GMDS: variants seen among roughly 807,000 people sequenced by gnomAD.
GMDS encodes the protein GDP-mannose 4,6-dehydratase.
A neutral mutation model predicts 49.9 loss-of-function variants in GMDS; 20 were observed. The ratio of observed to expected loss-of-function variants is 0.40; its 90% CI spans 0.28 to 0.58. The LOEUF (loss-of-function observed/expected upper bound fraction) is 0.58. GMDS is among the 20% of genes least tolerant of loss of function. The pLI is 0.42. For missense variants in GMDS, 362 were observed against 481.4 expected, an observed-to-expected ratio of 0.75 and a Z score of 2.32; for synonymous variants, 177 against 178.6, an observed-to-expected ratio of 0.99 and a Z score of 0.07.
intron 4 of GMDS, among the ~76,000 whole-genome samples, chr6:2,051,258 G>A (rs1461284436): frequency 6.6e-6 from 1 of 152,190 alleles, no homozygotes; most frequent in African/African-American, 2.4e-5. Context: ...TTGGCTTCAG[G>A]TCTCCTGTAA....
intron 4 of GMDS, among the ~76,000 whole-genome samples, chr6:2,063,903 CA>C (rs1277477099): frequency 6.6e-6 from 1 of 152,122 alleles, no homozygotes; most frequent in Non-Finnish European, 1.5e-5. Flanking sequence ...AAAAGAACAG[CA>C]ATAAATAAAA....
intron 7 of GMDS, among the ~76,000 whole-genome samples, chr6:1,768,154 C>T (rs1768430880): frequency 6.6e-6 from 1 of 152,098 alleles, no homozygotes; most frequent in Non-Finnish European, 1.5e-5. Context: ...AATCAGGAAA[C>T]AGGAAACCTT....
chr6:1,749,392 A>G (rs948984300), intron 7 of GMDS, among the ~76,000 whole-genome samples: 1 of 151,896 alleles, frequency 6.6e-6, no homozygotes, highest in Non-Finnish European at 1.5e-5. Context: ...GTTTAAGACC[A>G]GCCTGGCCAA....
At chr6:1,939,022 CTT>C (rs1762686880) in intron 6 of GMDS, among the ~76,000 whole-genome samples, 1 of 139,402 alleles carries the variant, frequency 7.2e-6, no homozygotes, top group Non-Finnish European at 1.5e-5. Context: ...CTCTCTCTCT[CTT>C]TCTTTTTTGG....
At chr6:1,843,404 A>C (rs1757233314) in intron 7 of GMDS, among the ~76,000 whole-genome samples, 1 of 152,200 alleles carries the variant, frequency 6.6e-6, no homozygotes, top group Admixed American at 6.5e-5. Flanking sequence ...AAGAAGCTAC[A>C]TCAATGTACA....
chr6:2,105,130 G>A (rs949746642), intron 4 of GMDS, among the ~76,000 whole-genome samples: 6 of 147,358 alleles, frequency 4.1e-5, no homozygotes, highest in South Asian at 2.1e-4. Flanking sequence ...TGCAGTGAGC[G>A]GAGATCACGC....
At chr6:2,083,026 T>A (rs1772805730) in intron 4 of GMDS, among the ~76,000 whole-genome samples, 1 of 152,204 alleles carries the variant, frequency 6.6e-6, no homozygotes, top group Admixed American at 6.5e-5. Flanking sequence ...CTAAACATCA[T>A]CATTTATAAA....
At chr6:1,904,619 T>C (rs1414127716) in intron 7 of GMDS, among the ~76,000 whole-genome samples, 4 of 152,222 alleles carry the variant, frequency 2.6e-5, no homozygotes, top group Non-Finnish European at 4.4e-5. Flanking sequence ...CACTGCTGTG[T>C]CCTTGAGCGT....
intron 7 of GMDS, among the ~76,000 whole-genome samples, chr6:1,910,117 TA>T (rs1760975485): frequency 6.6e-6 from 1 of 152,230 alleles, no homozygotes; most frequent in African/African-American, 2.4e-5. Flanking sequence ...AAAATATTCT[TA>T]AAATTAATGT....
intron 7 of GMDS, among the ~76,000 whole-genome samples, chr6:1,923,303 C>T (rs545319911): frequency 2.2e-4 from 33 of 152,330 alleles, no homozygotes; most frequent in African/African-American, 7.9e-4. Flanking sequence ...CCAAAAAAAG[C>T]TGTCACACTG....
intron 7 of GMDS, among the ~76,000 whole-genome samples, chr6:1,845,769 C>A (rs1365411575): frequency 1.3e-5 from 2 of 152,148 alleles, no homozygotes; most frequent in African/African-American, 4.8e-5. Flanking sequence ...ACAATAGAGG[C>A]TGTGCTATGA....
intron 8 of GMDS, among the ~76,000 whole-genome samples, chr6:1,727,758 A>G (rs1766646436): frequency 2.0e-5 from 3 of 152,206 alleles, no homozygotes; most frequent in African/African-American, 7.2e-5. Flanking sequence ...GCAAAGGGGA[A>G]ATATTTCACC....
rs1762762033 is a variant in GMDS, at chr6:1,623,869, T to C, written c.*300A>G. ...GAAAAACAATTTGAAGGCCCCACAA[T>C]TTGTTGTGTAACAACATAATTTCAA... On this transcript the variant is annotated 3_prime_UTR_variant, in exon 11 of 11. Transcript: ENST00000380815. The C allele has an allele frequency of 2.4e-6, 1 of 411,500 alleles. No individual in the cohort carries two copies. Among genetic ancestry groups the C allele is most frequent in the Admixed American group, 4.0e-5 (1 of 24,972 alleles). 25.5% of individuals were successfully genotyped at this position (411,500 alleles called of 1,614,324 possible). A position where few individuals can be genotyped will look rare whatever the true frequency, so the allele number is the denominator to read the frequency against.
intron 7 of GMDS, among the ~76,000 whole-genome samples, chr6:1,815,306 T>A (rs1412875038): frequency 6.6e-6 from 1 of 152,242 alleles, no homozygotes; most frequent in Non-Finnish European, 1.5e-5. Context: ...AGTTATTATA[T>A]GCAAATGTAT....
intron 4 of GMDS, among the ~76,000 whole-genome samples, chr6:2,052,548 A>C (rs957250366): frequency 1.3e-5 from 2 of 152,212 alleles, no homozygotes; most frequent in Non-Finnish European, 2.9e-5. Flanking sequence ...AAAATCTGTG[A>C]GTAAGAACAA....
intron 6 of GMDS, among the ~76,000 whole-genome samples, chr6:1,931,657 A>C (rs1762292742): frequency 1.3e-5 from 2 of 152,218 alleles, no homozygotes; most frequent in Admixed American, 1.3e-4. Context: ...GTAAGAATTA[A>C]ATTTAGGTTT....
At chr6:2,069,864 C>T (rs369918568) in intron 4 of GMDS, among the ~76,000 whole-genome samples, 5 of 152,156 alleles carry the variant, frequency 3.3e-5, no homozygotes, top group Middle Eastern at 3.4e-3. Flanking sequence ...GTGTGGCGAT[C>T]CCTCAGGTAT....
chr6:1,850,678 G>A (rs573627952), intron 7 of GMDS, among the ~76,000 whole-genome samples: 1 of 152,246 alleles, frequency 6.6e-6, no homozygotes, highest in South Asian at 2.1e-4. Context: ...TAAGCACAGA[G>A]CACACAGCAA....
At chr6:2,041,388 C>G (rs1045409940) in intron 4 of GMDS, among the ~76,000 whole-genome samples, 8 of 152,088 alleles carry the variant, frequency 5.3e-5, no homozygotes, top group Non-Finnish European at 1.2e-4. Flanking sequence ...CACTAATGGA[C>G]CACAGGTAAT....
Sources: allele counts gnomAD v4.1 joint callset (sites outside exome capture counted in the v4.1 genomes callset), GRCh38; gene constraint gnomAD v4.1.1; transcripts MANE v1.5; gene names NCBI Gene and HGNC (gene_info 2026-07-23, HGNC 2026-07-21).